The following GSE1 variants were observed in gnomAD, a reference collection of about 807,000 sequenced individuals.
The protein encoded by GSE1 is genetic suppressor element 1.
GSE1 carries 32 observed loss-of-function variants against 112.6 expected under a neutral mutation model. The ratio of observed to expected loss-of-function variants is 0.28; its 90% CI spans 0.21 to 0.38. The LOEUF (loss-of-function observed/expected upper bound fraction) is 0.38. Among genes scored for constraint, GSE1 ranks in the 10% least tolerant of loss-of-function variants. The pLI, the probability that GSE1 is intolerant of heterozygous loss-of-function variation, is 1.00. For missense variants in GSE1, 2,348 were observed against 1,699.2 expected, an observed-to-expected ratio of 1.38 and a Z score of -6.71; for synonymous variants, 1,115 against 735.6, an observed-to-expected ratio of 1.52 and a Z score of -8.35.
intron 2 of GSE1, among the ~76,000 whole-genome samples, chr16:85,530,049 G>C (rs184051300): frequency 6.6e-6 from 1 of 152,176 alleles, no homozygotes; most frequent in Admixed American, 6.5e-5. Flanking sequence ...TGTACCCAGC[G>C]TTCCTGCCCT....
chr16:85,505,275 C>G (rs115874934), intron 2 of GSE1, among the ~76,000 whole-genome samples: 24 of 152,156 alleles, frequency 1.6e-4, no homozygotes, highest in Admixed American at 3.9e-4. Flanking sequence ...CTTTTCAGGG[C>G]CTGCCATGCG....
chr16:85,568,654 C>T (rs969645237), intron 1 of GSE1, among the ~76,000 whole-genome samples: 17 of 152,176 alleles, frequency 1.1e-4, no homozygotes, highest in African/African-American at 3.9e-4. Context: ...GGCTTATTAC[C>T]CAGGGCGGAG....
Position 85,624,146 on chromosome 16 carries a change from C to T in GSE1, c.8-9768C>T, listed in dbSNP as rs1317266604. 2.6e-5 allele frequency among the ~76,000 whole-genome samples: 4 copies of T among 152,220 alleles called. No individual in the cohort carries two copies. The South Asian group carries it at 6.2e-4, about 24-fold the overall frequency. ...CCCATGCCCCCCGGCCGCCACCCGC[C>T]GTCCCACGGAAACTTGGAGACCTCA... is the stretch of plus-strand genomic sequence containing the variant. On this transcript the variant is annotated intron_variant, in intron 1 of 15. Coordinates refer to ENST00000253458, the MANE Select transcript of GSE1 (RefSeq NM_014615.5).
rs2045854235 is a variant in GSE1 at position 85,311,735 on chromosome 16, C to T, written c.2284-45728C>T. 6.6e-6 allele frequency among the ~76,000 whole-genome samples: 1 copy of T among 152,134 alleles called. No individual in the cohort carries two copies. Among genetic ancestry groups the T allele is most frequent in the Non-Finnish European group, 1.5e-5 (1 of 67,970 alleles). On this transcript the variant is annotated intron_variant, in intron 1 of 2. Coordinates refer to the GSE1 transcript ENST00000637419. This position sits in a 1 kb window ranked among gnomAD's most constrained non-coding sequence, Gnocchi z 4.2. ...CTTCATTTCCCAGATGTCTTAGGAC[C>T]TGAGGTGGTGCAGGCTCTCCAGGGA...
At chr16:85,255,127 G>T (rs1277445402) in intron 1 of GSE1, among the ~76,000 whole-genome samples, 2 of 152,212 alleles carry the variant, frequency 1.3e-5, no homozygotes, top group African/African-American at 4.8e-5. Flanking sequence ...CCGGCTCCCC[G>T]AGGGGCGGGC....
At chr16:85,606,399 G>T (rs2047705022) in intron 1 of GSE1, among the ~76,000 whole-genome samples, 1 of 152,220 alleles carries the variant, frequency 6.6e-6, no homozygotes, top group South Asian at 2.1e-4. Context: ...GTGTAGTGAT[G>T]CCAGCCTGCA....
chr16:85,571,692 TGA>T (rs1024855719), intron 1 of GSE1, among the ~76,000 whole-genome samples: 4 of 151,992 alleles, frequency 2.6e-5, no homozygotes, highest in Admixed American at 1.3e-4. Context: ...CAGGAAGGAC[TGA>T]GGGGGAGAAA....
intron 2 of GSE1, among the ~76,000 whole-genome samples, chr16:85,480,493 C>A (rs911672517): frequency 6.6e-6 from 1 of 152,220 alleles, no homozygotes; most frequent in Non-Finnish European, 1.5e-5. Flanking sequence ...TGGGCCTCGA[C>A]ACTCCTGTGA....
At chr16:85,529,390 A>AT (rs1270368772) in intron 2 of GSE1, among the ~76,000 whole-genome samples, 1 of 152,216 alleles carries the variant, frequency 6.6e-6, no homozygotes, top group Non-Finnish European at 1.5e-5. Context: ...CCTACACAGT[A>AT]TTTTATTTAT....
chr16:85,413,277 G>C lies in GSE1; in HGVS notation c.2464+55634G>C, dbSNP rs532397699. On this transcript the variant is annotated intron_variant, in intron 2 of 2. Transcript: ENST00000637419. Reference sequence around the variant, plus strand: ...AGTGTGGGACACGGGGAACGAGGTGGGTTGAGGGTTGGGAAGCCAAGAGCT... The same window carrying C: ...AGTGTGGGACACGGGGAACGAGGTGCGTTGAGGGTTGGGAAGCCAAGAGCT... Among the ~76,000 whole-genome samples the C allele has an allele frequency of 3.2e-4, 48 of 152,344 alleles. No individual in the cohort carries two copies. In the East Asian group the frequency reaches 6.9e-3, roughly 22 times the overall value.
intron 2 of GSE1, among the ~76,000 whole-genome samples, chr16:85,400,257 G>C (rs1048586840): frequency 0.01 from 1,483 of 142,914 alleles, 25 homozygotes; most frequent in African/African-American, 0.028. Flanking sequence ...GGTTGTGTGT[G>C]TGTGTGTGTG....
intron 13 of GSE1, among the ~76,000 whole-genome samples, chr16:85,667,159 A>G (rs927109082): frequency 4.0e-5 from 6 of 150,626 alleles, no homozygotes; most frequent in African/African-American, 1.5e-4. Context: ...TCGAAACTTC[A>G]GAATACCCTC....
chr16:85,345,165 G>A (rs1262447991), intron 1 of GSE1, among the ~76,000 whole-genome samples: 1 of 146,968 alleles, frequency 6.8e-6, no homozygotes, highest in East Asian at 2.1e-4. Flanking sequence ...GTTTTTGGAT[G>A]GCCCATGAGC....
chr16:85,479,187 A>G (rs1218416670), intron 2 of GSE1, among the ~76,000 whole-genome samples: 2 of 54,454 alleles, frequency 3.7e-5, no homozygotes, highest in African/African-American at 1.0e-4. Context: ...ATGCCCGGCT[A>G]ATTTTTTTTT....
At chr16:85,312,020 C>T (rs897932472) in intron 1 of GSE1, among the ~76,000 whole-genome samples, 35 of 152,180 alleles carry the variant, frequency 2.3e-4, no homozygotes, top group African/African-American at 8.2e-4. Context: ...TGGGCCAGCT[C>T]GACCTCTGGG....
chr16:85,215,553 A>G (rs1182526640), intron 1 of GSE1, among the ~76,000 whole-genome samples: 3 of 152,250 alleles, frequency 2.0e-5, no homozygotes, highest in Admixed American at 2.0e-4. Context: ...AAGCAATTGA[A>G]ATAAACATTT....
At chr16:85,190,342 C>G (rs74031719) in intron 1 of GSE1, among the ~76,000 whole-genome samples, 6,045 of 151,822 alleles carry the variant, frequency 0.04, 373 homozygotes, top group African/African-American at 0.14. Flanking sequence ...ATTGCTGGCT[C>G]TCTCATATAT....
intron 1 of GSE1, among the ~76,000 whole-genome samples, chr16:85,305,256 C>CG (rs2045645633): frequency 1.3e-5 from 2 of 152,232 alleles, no homozygotes; most frequent in African/African-American, 4.8e-5. Flanking sequence ...GCTAGAATCT[C>CG]TGACGATGGA....
intron 2 of GSE1, among the ~76,000 whole-genome samples, chr16:85,473,589 T>A (rs1324705791): frequency 1.3e-5 from 2 of 152,222 alleles, no homozygotes; most frequent in Admixed American, 1.3e-4. Flanking sequence ...TCTGTCTTCA[T>A]GTTGCCTTTG....
Sources: gnomAD v4.1 joint callset for allele counts (sites outside exome capture counted in the v4.1 genomes callset) on GRCh38, gnomAD v4.1.1 for gene constraint, Gnocchi (gnomAD v3.1) non-coding constraint, MANE v1.5 for transcripts, NCBI Gene and HGNC (gene_info 2026-07-23, HGNC 2026-07-21) for gene names.